The following PTPRD variants were observed in gnomAD, a reference collection of about 807,000 sequenced individuals.
PTPRD encodes the protein receptor-type tyrosine-protein phosphatase delta.
In PTPRD, 34 loss-of-function variants were observed where a neutral mutation model predicts 214.5. The ratio of observed to expected loss-of-function variants is 0.16; its 90% CI spans 0.12 to 0.21. The LOEUF (loss-of-function observed/expected upper bound fraction) is 0.21, where lower values mean the gene tolerates loss of function less well. Among genes scored for constraint, PTPRD ranks in the 10% least tolerant of loss-of-function variants. The pLI is 1.00. For synonymous variants in PTPRD, 1,128 were observed against 845.7 expected (o/e 1.33, Z -5.79); for missense variants, 2,545 against 2,398.7 (o/e 1.06, Z -1.27).
At chr9:8,964,594 A>C (rs1323167621) in intron 11 of PTPRD, among the ~76,000 whole-genome samples, 1 of 151,536 alleles carries the variant, frequency 6.6e-6, no homozygotes, top group Non-Finnish European at 1.5e-5. Flanking sequence ...TCATTCTTCT[A>C]GTTTGGAGTT....
chr9:8,463,727 G>C (rs1256337173), intron 32 of PTPRD, among the ~76,000 whole-genome samples: 1 of 151,950 alleles, frequency 6.6e-6, no homozygotes, highest in Non-Finnish European at 1.5e-5. Flanking sequence ...CCAGTTATCT[G>C]ACATTCTTAA....
At chr9:9,378,563 G>A (rs959584168) in intron 9 of PTPRD, among the ~76,000 whole-genome samples, 1 of 152,138 alleles carries the variant, frequency 6.6e-6, no homozygotes, top group Non-Finnish European at 1.5e-5. Flanking sequence ...TATGGTAAGA[G>A]TATGTGTAGT....
chr9:8,774,453 T>C (rs1047519721), intron 11 of PTPRD, among the ~76,000 whole-genome samples: 3 of 151,762 alleles, frequency 2.0e-5, no homozygotes, highest in East Asian at 1.9e-4. Context: ...TTAGAGACTT[T>C]GTAAAGGATT....
intron 8 of PTPRD, among the ~76,000 whole-genome samples, chr9:9,493,787 C>CAAA (rs750252052): frequency 5.9e-4 from 32 of 54,422 alleles, no homozygotes; most frequent in African/African-American, 1.2e-3. Flanking sequence ...GACTCCGTCT[C>CAAA]AAAAAAAAAA....
At chr9:10,541,177 T>G (rs10809117) in intron 2 of PTPRD, among the ~76,000 whole-genome samples, 37,012 of 152,014 alleles carry the variant, frequency 0.24, 5,095 homozygotes, top group Non-Finnish European at 0.31. Context: ...CCTGTAAGAG[T>G]TGGAAAATGT....
chr9:9,496,726 A>G (rs1048193418), intron 8 of PTPRD, among the ~76,000 whole-genome samples: 1 of 152,224 alleles, frequency 6.6e-6, no homozygotes, highest in Non-Finnish European at 1.5e-5. Context: ...GAATTACCAT[A>G]TGATATAGTA....
chr9:8,702,101 T>G (rs1389297714), intron 12 of PTPRD, among the ~76,000 whole-genome samples: 1 of 152,188 alleles, frequency 6.6e-6, no homozygotes, highest in Non-Finnish European at 1.5e-5. Flanking sequence ...GCTCTCCTAC[T>G]TTTTGTAGCT....
chr9:10,015,628 C>G (rs946863060), intron 4 of PTPRD, among the ~76,000 whole-genome samples: 6 of 152,084 alleles, frequency 3.9e-5, no homozygotes, highest in Admixed American at 1.3e-4. Context: ...AAATTGTGTA[C>G]TTACTTGCAA....
At chr9:9,603,739 C>T (rs2154339508) in intron 7 of PTPRD, among the ~76,000 whole-genome samples, 1 of 152,222 alleles carries the variant, frequency 6.6e-6, no homozygotes, top group East Asian at 1.9e-4. Flanking sequence ...GAAAAGTTGC[C>T]TTCCATGAAT....
At chr9:9,982,768 T>C (rs1263269573) in intron 4 of PTPRD, among the ~76,000 whole-genome samples, 1 of 152,074 alleles carries the variant, frequency 6.6e-6, no homozygotes, top group Non-Finnish European at 1.5e-5. Flanking sequence ...TAAAATAAAA[T>C]AAAAGCTTAA....
At chr9:9,786,549 A>G (rs1291388207) in intron 5 of PTPRD, among the ~76,000 whole-genome samples, 1 of 152,216 alleles carries the variant, frequency 6.6e-6, no homozygotes, top group Non-Finnish European at 1.5e-5. Flanking sequence ...CACAGAAGTA[A>G]ATCACAGTGG....
At position 8,315,461 on chromosome 9, in the gene PTPRD, TAA is replaced by T. The variant is rs757062411; in HGVS notation, c.*2411_*2412del. 6.9e-4 allele frequency: 160 copies of T among 232,122 alleles called. No individual in the cohort carries two copies. The Middle Eastern group carries it at 0.012, about 17-fold the overall frequency. The allele number at this position is 232,122 out of a possible 1,614,324, so 14.4% of individuals were successfully genotyped here. A position where few individuals can be genotyped will look rare whatever the true frequency, so the allele number is the denominator to read the frequency against. On this transcript the variant is annotated 3_prime_UTR_variant, in exon 46 of 46. Transcript: ENST00000381196. Reference sequence around the variant, plus strand: ...GTCTGTCTGACCCCCTTTGTTTAACTAAAAGAAAATTATAGCACTGAGTAATC... The same window carrying T: ...GTCTGTCTGACCCCCTTTGTTTAACTAAGAAAATTATAGCACTGAGTAATC...
chr9:8,933,340 G>GTTTTGTTTTTTTTTTTTTT (rs2098966631), intron 11 of PTPRD, among the ~76,000 whole-genome samples: 5 of 80,428 alleles, frequency 6.2e-5, no homozygotes, highest in African/African-American at 2.5e-4. Context: ...CAACCTTGAG[G>GTTTTGTTTTTTTTTTTTTT]TTTTTTTTTT....
rs144857537 is a variant in PTPRD at position 8,421,359 on chromosome 9, C to A, written c.4086+15233G>T. ...CTTTTTCTTTTCTTTCTTCTTCTCT[C>A]TTCTCTTCTCTTCTCTCTCTCTCTC... On this transcript the variant is annotated intron_variant, in intron 35 of 45. Transcript: ENST00000381196. Among the ~76,000 whole-genome samples, 598 of 141,328 alleles carry A rather than the reference C, an allele frequency of 4.2e-3. 2 individuals carry two copies. Among genetic ancestry groups the A allele is most frequent in the Non-Finnish European group, 7.5e-3 (480 of 64,034 alleles). 92.7% of individuals were successfully genotyped at this position (141,328 alleles called of 152,430 possible).
At position 8,985,317 on chromosome 9, in the gene PTPRD, T is replaced by G. The variant is rs188919415; in HGVS notation, c.-104+33380A>C. Among the ~76,000 whole-genome samples, 740 of 152,176 alleles carry G rather than the reference T, an allele frequency of 4.9e-3. 6 individuals are homozygous for G. Among genetic ancestry groups the G allele is most frequent in the African/African-American group, 0.017 (704 of 41,554 alleles). On this transcript the variant is annotated intron_variant, in intron 11 of 45. Coordinates refer to ENST00000381196, the MANE Select transcript of PTPRD (RefSeq NM_002839.4). Reference sequence around the variant, plus strand: ...TGGATGCTTTATTCAATATAAAAATTTTTATGTCTCATATACTGTAATGAA... The same window carrying G: ...TGGATGCTTTATTCAATATAAAAATGTTTATGTCTCATATACTGTAATGAA...
At chr9:8,746,826 T>G (rs2092871624) in intron 11 of PTPRD, among the ~76,000 whole-genome samples, 2 of 152,098 alleles carry the variant, frequency 1.3e-5, no homozygotes, top group Admixed American at 6.5e-5. Flanking sequence ...AGACCCCATC[T>G]CTAAAAACAA....
intron 21 of PTPRD, among the ~76,000 whole-genome samples, chr9:8,515,699 C>A (rs977143529): frequency 1.1e-4 from 16 of 152,146 alleles, no homozygotes; most frequent in African/African-American, 3.9e-4. Flanking sequence ...AGCAAACCAA[C>A]CAACAGAAGT....
intron 10 of PTPRD, among the ~76,000 whole-genome samples, chr9:9,175,622 C>CAAAAA (rs55707715): frequency 2.4e-4 from 11 of 45,260 alleles, no homozygotes; most frequent in African/African-American, 8.9e-4. Flanking sequence ...GACTCTGTCT[C>CAAAAA]AAAAAAAAAA....
At chr9:10,599,839 G>C (rs370277316) in intron 2 of PTPRD, among the ~76,000 whole-genome samples, 1 of 151,590 alleles carries the variant, frequency 6.6e-6, no homozygotes, top group Non-Finnish European at 1.5e-5. Flanking sequence ...CTAATCAGAG[G>C]CTTTTACGCT....
Sources: gnomAD v4.1 joint callset for allele counts (sites outside exome capture counted in the v4.1 genomes callset) on GRCh38, gnomAD v4.1.1 for gene constraint, MANE v1.5 for transcripts, NCBI Gene and HGNC (gene_info 2026-07-23, HGNC 2026-07-21) for gene names.